The following DLGAP2 variants were observed in gnomAD, a reference collection of about 807,000 sequenced individuals.
The protein encoded by DLGAP2 is DLG associated protein 2.
In DLGAP2, 26 loss-of-function variants were observed where a neutral mutation model predicts 100.3. The observed-to-expected ratio is 0.26, with a 90% CI of 0.19 to 0.36. The LOEUF (loss-of-function observed/expected upper bound fraction) is 0.36, where lower values mean the gene tolerates loss of function less well. DLGAP2 is among the 10% of genes least tolerant of loss of function. The probability of loss-of-function intolerance (pLI) is 1.00; values close to 1 mark genes in which losing one functional copy is unlikely to be tolerated. For missense variants in DLGAP2, 1,858 were observed against 1,453.2 expected, an observed-to-expected ratio of 1.28 and a Z score of -4.53; for synonymous variants, 886 against 630.1, an observed-to-expected ratio of 1.41 and a Z score of -6.08.
chr8:1,614,013 C>T (rs527273664), intron 6 of DLGAP2, among the ~76,000 whole-genome samples: 24 of 152,172 alleles, frequency 1.6e-4, no homozygotes, highest in Non-Finnish European at 2.8e-4. Flanking sequence ...AGGTCTCAGA[C>T]TCGGCGGGGT....
intron 3 of DLGAP2, among the ~76,000 whole-genome samples, chr8:1,295,195 C>G (rs1585231069): frequency 6.6e-6 from 1 of 152,296 alleles, no homozygotes; most frequent in South Asian, 2.1e-4. Context: ...GACATGGCGG[C>G]AAGAGTGAGT....
chr8:1,449,315 G>A (rs1405735854), intron 3 of DLGAP2, among the ~76,000 whole-genome samples: 1 of 152,344 alleles, frequency 6.6e-6, no homozygotes, highest in Middle Eastern at 3.4e-3. Flanking sequence ...GGACTAAAGA[G>A]TGAAGGGTCA....
intron 1 of DLGAP2, among the ~76,000 whole-genome samples, chr8:796,912 A>G (rs1048950690): frequency 2.8e-5 from 4 of 141,428 alleles, no homozygotes; most frequent in East Asian, 2.0e-4. Flanking sequence ...ACACCTACTT[A>G]TCTTTCAAAA....
At chr8:1,624,920 G>A (rs1797453900) in intron 6 of DLGAP2, among the ~76,000 whole-genome samples, 1 of 151,254 alleles carries the variant, frequency 6.6e-6, no homozygotes, top group Non-Finnish European at 1.5e-5. Flanking sequence ...GGAGGGGAAG[G>A]TAGGTAGGAG....
At chr8:824,174 A>T (rs1220034995) in intron 1 of DLGAP2, among the ~76,000 whole-genome samples, 1 of 151,940 alleles carries the variant, frequency 6.6e-6, no homozygotes, top group Non-Finnish European at 1.5e-5. Flanking sequence ...TCCTGGGCTC[A>T]GGTGATCCTC....
chr8:783,012 A>C (rs528560344), intron 1 of DLGAP2, among the ~76,000 whole-genome samples: 2 of 152,344 alleles, frequency 1.3e-5, no homozygotes, highest in South Asian at 4.1e-4. Context: ...TTAACCAGTG[A>C]CCGCATGACC....
At chr8:1,444,346 TAAC>T (rs1797922427) in intron 3 of DLGAP2, among the ~76,000 whole-genome samples, 1 of 152,224 alleles carries the variant, frequency 6.6e-6, no homozygotes, top group African/African-American at 2.4e-5. Context: ...TTTTAACTGT[TAAC>T]AACACTACCA....
At chr8:990,402 T>TCTCCC (rs1800637224) in intron 2 of DLGAP2, among the ~76,000 whole-genome samples, 1 of 66,662 alleles carries the variant, frequency 1.5e-5, no homozygotes, top group Non-Finnish European at 2.9e-5. Context: ...CCTGTTCTTC[T>TCTCCC]CTCCCCCCTT....
intron 2 of DLGAP2, among the ~76,000 whole-genome samples, chr8:938,273 C>G (rs1031655297): frequency 6.6e-6 from 1 of 152,186 alleles, no homozygotes; most frequent in Non-Finnish European, 1.5e-5. Flanking sequence ...TGAAGGCTCA[C>G]TACAGCCCAG....
At chr8:1,423,384 G>C (rs1797153744) in intron 3 of DLGAP2, among the ~76,000 whole-genome samples, 1 of 152,114 alleles carries the variant, frequency 6.6e-6, no homozygotes, top group Non-Finnish European at 1.5e-5. Flanking sequence ...CTCTGGGAGG[G>C]GTCTGGACTG....
At chr8:851,722 G>A (rs779759191) in intron 1 of DLGAP2, among the ~76,000 whole-genome samples, 225 of 152,250 alleles carry the variant, frequency 1.5e-3, no homozygotes, top group Non-Finnish European at 2.9e-3. Flanking sequence ...ATGGATAGGG[G>A]CATAGATTTC....
intron 1 of DLGAP2, among the ~76,000 whole-genome samples, chr8:901,054 G>T (rs1279107215): frequency 2.0e-5 from 3 of 152,212 alleles, no homozygotes; most frequent in Middle Eastern, 3.2e-3. Context: ...ACTTTAGGAG[G>T]CTGAGGCAGG....
At chr8:1,323,326 G>C (rs569704573) in intron 3 of DLGAP2, among the ~76,000 whole-genome samples, 2 of 152,066 alleles carry the variant, frequency 1.3e-5, no homozygotes, top group African/African-American at 4.8e-5. Flanking sequence ...CACTGCACCC[G>C]GCCTGAAACT....
At chr8:1,166,997 G>T (rs972083230) in intron 2 of DLGAP2, among the ~76,000 whole-genome samples, 1 of 152,154 alleles carries the variant, frequency 6.6e-6, no homozygotes, top group Non-Finnish European at 1.5e-5. Context: ...TTATCTGGGT[G>T]TGGTGGCATG....
At chr8:798,298 C>G (rs578171291) in intron 1 of DLGAP2, among the ~76,000 whole-genome samples, 1 of 149,062 alleles carries the variant, frequency 6.7e-6, no homozygotes, top group East Asian at 2.0e-4. Context: ...CGGCGCTGGC[C>G]AGGTGAGGGG....
chr8:1,431,393 C>G (rs1404153954), intron 3 of DLGAP2, among the ~76,000 whole-genome samples: 5 of 152,254 alleles, frequency 3.3e-5, no homozygotes, highest in African/African-American at 1.2e-4. Flanking sequence ...TCCATGCTGA[C>G]AACCTACTGG....
chr8:1,692,846 A>T (rs982135010), intron 13 of DLGAP2, among the ~76,000 whole-genome samples: 4 of 150,450 alleles, frequency 2.7e-5, no homozygotes, highest in Non-Finnish European at 4.4e-5. Context: ...ATATATATTT[A>T]CATATACTTA....
intron 3 of DLGAP2, among the ~76,000 whole-genome samples, chr8:1,422,117 G>C (rs115493472): frequency 2.0e-4 from 30 of 152,340 alleles, no homozygotes; most frequent in African/African-American, 7.0e-4. Flanking sequence ...CCTGGACAAG[G>C]TGTGTAGGAC....
At chr8:1,448,735 C>G (rs1032436319) in intron 3 of DLGAP2, among the ~76,000 whole-genome samples, 4 of 152,166 alleles carry the variant, frequency 2.6e-5, no homozygotes, top group East Asian at 3.8e-4. Flanking sequence ...ACTTTTTTCA[C>G]TTGGAGACCC....
Sources: gnomAD v4.1 joint callset for allele counts (sites outside exome capture counted in the v4.1 genomes callset) on GRCh38, gnomAD v4.1.1 for gene constraint, MANE v1.5 for transcripts, NCBI Gene and HGNC (gene_info 2026-07-23, HGNC 2026-07-21) for gene names.